The following PCDH15 variants were observed in gnomAD, a reference collection of about 807,000 sequenced individuals.
The protein encoded by PCDH15 is protocadherin related 15.
In PCDH15, 129 loss-of-function variants were observed where a neutral mutation model predicts 178.5. The ratio of observed to expected loss-of-function variants is 0.72; its 90% CI spans 0.63 to 0.84. PCDH15 has a LOEUF of 0.84. Ranked by LOEUF, PCDH15 falls within the 40% of genes least tolerant of loss-of-function variation. The pLI is 0.00. For synonymous variants in PCDH15, 800 were observed against 732.0 expected (o/e 1.09, Z -1.50); for missense variants, 2,230 against 2,099.9 (o/e 1.06, Z -1.21).
At chr10:54,621,638 T>G (rs933192248) in intron 2 of PCDH15, among the ~76,000 whole-genome samples, 2 of 152,060 alleles carry the variant, frequency 1.3e-5, no homozygotes, top group Non-Finnish European at 2.9e-5. Context: ...ATGTTTTCTC[T>G]TTTTAAAAGT....
At chr10:53,926,041 G>T (rs1302988835) in intron 25 of PCDH15, among the ~76,000 whole-genome samples, 1 of 152,052 alleles carries the variant, frequency 6.6e-6, no homozygotes, top group East Asian at 1.9e-4. Context: ...TGTCACCCAA[G>T]ATCAAAAGTA....
intron 3 of PCDH15, among the ~76,000 whole-genome samples, chr10:54,465,594 A>T (rs1041951240): frequency 1.3e-4 from 19 of 152,000 alleles, no homozygotes; most frequent in African/African-American, 4.6e-4. Context: ...ATGGCTGAAT[A>T]GTTTTTCATT....
At chr10:55,309,167 A>C (rs2132286632) in intron 1 of PCDH15, among the ~76,000 whole-genome samples, 1 of 152,218 alleles carries the variant, frequency 6.6e-6, no homozygotes, top group South Asian at 2.1e-4. Context: ...TTATTTGCAA[A>C]TTTCAATTTT....
intron 3 of PCDH15, among the ~76,000 whole-genome samples, chr10:54,400,247 G>C (rs940142762): frequency 1.3e-5 from 2 of 152,090 alleles, no homozygotes; most frequent in Non-Finnish European, 2.9e-5. Context: ...TCCAATAAAA[G>C]CCAGTGATTC....
intron 2 of PCDH15, among the ~76,000 whole-genome samples, chr10:55,328,265 T>C (rs569707851): frequency 2.0e-5 from 3 of 152,046 alleles, no homozygotes; most frequent in Admixed American, 2.0e-4. Context: ...CATTCATTGC[T>C]TAATAATGGG....
chr10:54,104,493 A>G (rs1410275132), intron 15 of PCDH15, among the ~76,000 whole-genome samples: 1 of 152,140 alleles, frequency 6.6e-6, no homozygotes, highest in African/African-American at 2.4e-5. Flanking sequence ...CACTCGGGAA[A>G]ATCTTAGCAG....
chr10:55,460,459 T>C (rs567167665), intron 2 of PCDH15, among the ~76,000 whole-genome samples: 1 of 152,112 alleles, frequency 6.6e-6, no homozygotes, highest in Admixed American at 6.6e-5. Flanking sequence ...CTGATAAGTC[T>C]ACAATTAATT....
rs780033227 is a variant in PCDH15 at position 53,803,830 on chromosome 10, C to T, written c.*2749G>A. The T allele has an allele frequency of 1.3e-5, 2 of 151,948 alleles. No individual in the cohort carries two copies. The highest frequency in any genetic ancestry group is 2.9e-5 in the Non-Finnish European group (2 of 67,898). 9.4% of individuals were successfully genotyped at this position (151,948 alleles called of 1,614,324 possible). On this transcript the variant is annotated 3_prime_UTR_variant, in exon 38 of 38. Transcript: ENST00000644397. Reference sequence around the variant, plus strand: ...TCTCACCTCGATTAGCCAAGACCTGCTGTTTCTTCTGCCTGATTGAAGCTA... The same window carrying T: ...TCTCACCTCGATTAGCCAAGACCTGTTGTTTCTTCTGCCTGATTGAAGCTA...
At chr10:54,339,315 C>T (rs1171722215) in intron 6 of PCDH15, among the ~76,000 whole-genome samples, 1 of 151,820 alleles carries the variant, frequency 6.6e-6, no homozygotes, top group Non-Finnish European at 1.5e-5. Context: ...TGAATTAGTT[C>T]AGTGCATTAT....
intron 2 of PCDH15, among the ~76,000 whole-genome samples, chr10:54,648,372 G>T (rs2094179271): frequency 6.6e-6 from 1 of 152,064 alleles, no homozygotes; most frequent in South Asian, 2.1e-4. Flanking sequence ...GCCATGATTT[G>T]ATTATGTGTT....
chr10:55,457,803 T>A, intron 2 of PCDH15, among the ~76,000 whole-genome samples: 1 of 59,328 alleles, frequency 1.7e-5, no homozygotes, highest in East Asian at 0.019. Context: ...GTATTTCCCA[T>A]AAATCATTTT....
intron 2 of PCDH15, among the ~76,000 whole-genome samples, chr10:54,565,456 G>T (rs1303023191): frequency 2.6e-5 from 4 of 152,108 alleles, no homozygotes. Context: ...ATTATAGCCA[G>T]TCTGTTTCTA....
rs186749580 is a variant in PCDH15 at position 54,423,999 on chromosome 10, C to A, written c.158-45057G>T. Among the ~76,000 whole-genome samples, 43 of 151,886 alleles carry A rather than the reference C, an allele frequency of 2.8e-4. 1 individual carries two copies. Among genetic ancestry groups the A allele is most frequent in the African/African-American group, 7.5e-4 (31 of 41,252 alleles). ...GCACCAAAAGCAATGGCAACAAAAG[C>A]CAAAATTGACAAATGGGATCTAATT... On this transcript the variant is annotated intron_variant, in intron 3 of 37. Coordinates refer to ENST00000644397, the MANE Select transcript of PCDH15 (RefSeq NM_001384140.1).
chr10:54,000,014 G>C lies in PCDH15; in HGVS notation c.2752-4249C>G, dbSNP rs191990473. 2.8e-3 allele frequency among the ~76,000 whole-genome samples: 431 copies of C among 152,242 alleles called. 1 individual carries two copies. The highest frequency in any genetic ancestry group is 0.01 in the Middle Eastern group (3 of 294). On this transcript the variant is annotated intron_variant, in intron 20 of 37. Coordinates refer to ENST00000644397, the MANE Select transcript of PCDH15 (RefSeq NM_001384140.1). ...GGCTCCAAACAGAGACACTCTGTCTGGGAGAGAGCAAGGGAAAAGAACAGG... is the reference window on the plus strand; with the variant it reads ...GGCTCCAAACAGAGACACTCTGTCTCGGAGAGAGCAAGGGAAAAGAACAGG...
chr10:55,463,384 T>C (rs931556596), intron 2 of PCDH15, among the ~76,000 whole-genome samples: 2 of 152,110 alleles, frequency 1.3e-5, no homozygotes, highest in Non-Finnish European at 2.9e-5. Context: ...CAGTGGCTTA[T>C]GTTTGTAATC....
intron 2 of PCDH15, among the ~76,000 whole-genome samples, chr10:55,352,549 C>T (rs1432284722): frequency 6.6e-6 from 1 of 152,028 alleles, no homozygotes; most frequent in Non-Finnish European, 1.5e-5. Flanking sequence ...AGAGAAGTTG[C>T]CAAAGAACAC....
intron 14 of PCDH15, among the ~76,000 whole-genome samples, chr10:54,134,859 T>A (rs2042765725): frequency 6.6e-6 from 1 of 151,864 alleles, no homozygotes; most frequent in Non-Finnish European, 1.5e-5. Flanking sequence ...TCTGAGCATA[T>A]CATCAGTAGA....
chr10:53,980,873 T>C (rs553434770), intron 21 of PCDH15, among the ~76,000 whole-genome samples: 1 of 152,358 alleles, frequency 6.6e-6, no homozygotes, highest in Middle Eastern at 3.4e-3. Context: ...TTTTTTTTGG[T>C]TCATGATTTA....
intron 18 of PCDH15, among the ~76,000 whole-genome samples, chr10:54,054,820 C>CT (rs149703749): frequency 0.21 from 31,724 of 151,868 alleles, 3,498 homozygotes; most frequent in Non-Finnish European, 0.23. Flanking sequence ...ATTGTGTGGG[C>CT]TTTTTTCTTT....
Sources: allele counts gnomAD v4.1 joint callset (sites outside exome capture counted in the v4.1 genomes callset), GRCh38; gene constraint gnomAD v4.1.1; transcripts MANE v1.5; gene names NCBI Gene and HGNC (gene_info 2026-07-23, HGNC 2026-07-21).